SGCD: variants seen among roughly 807,000 people sequenced by gnomAD.
SGCD encodes sarcoglycan delta.
In SGCD, 18 loss-of-function variants were observed where a neutral mutation model predicts 36.6. The observed-to-expected ratio is 0.49, with a 90% CI of 0.34 to 0.73. The LOEUF (loss-of-function observed/expected upper bound fraction) is 0.73. SGCD is among the 30% of genes least tolerant of loss of function. The pLI is 0.01. For synonymous variants in SGCD, 133 were observed against 130.6 expected, an observed-to-expected ratio of 1.02 and a Z score of -0.12; for missense variants, 387 against 346.7, an observed-to-expected ratio of 1.12 and a Z score of -0.92.
chr5:156,329,489 C>T, intron 1 of SGCD, 45 bp from the exon 2 acceptor site: 1 of 1,318,610 alleles, frequency 7.6e-7, no homozygotes, highest in Non-Finnish European at 1.1e-6. Context: ...AAGGAGGGGG[C>T]AGGCTCTTCA....
In SGCD at chr5:155,871,624, C is replaced by G. The variant is rs371043679; in HGVS notation, c.-282+1200C>G. 1.2e-4 allele frequency among the ~76,000 whole-genome samples: 18 copies of G among 152,204 alleles called. 1 individual carries two copies. Among genetic ancestry groups the G allele is most frequent in the African/African-American group, 4.3e-4 (18 of 41,528 alleles). On this transcript the variant is annotated intron_variant, in intron 1 of 9. Transcript: ENST00000517913. ...AAGGTAAAAAGAGGAGGAATTGCTA[C>G]TTTTTGAGCATCAGTGGTGTAGCAG...
intron 4 of SGCD, among the ~76,000 whole-genome samples, chr5:156,562,792 C>A (rs538477700): frequency 6.6e-6 from 1 of 151,230 alleles, no homozygotes; most frequent in African/African-American, 2.4e-5. Flanking sequence ...AGGTCTTTAA[C>A]CTTTATGTAG....
Position 156,761,577 on chromosome 5 carries a change from C to T in SGCD, c.*2187C>T, listed in dbSNP as rs1355684517. ...ACCTATCCCATATCATTCAGATAAACAATGATAGCTACAAAGTCATTTGTG... is the reference window on the plus strand; with the variant it reads ...ACCTATCCCATATCATTCAGATAAATAATGATAGCTACAAAGTCATTTGTG... On this transcript the variant is annotated 3_prime_UTR_variant, in exon 9 of 9. Coordinates refer to ENST00000337851, the MANE Select transcript of SGCD (RefSeq NM_000337.6). 6.6e-6 allele frequency: 1 copy of T among 152,182 alleles called. No homozygotes were observed. The highest frequency in any genetic ancestry group is 1.5e-5 in the Non-Finnish European group (1 of 68,048). The allele number at this position is 152,182 out of a possible 1,614,324, so 9.4% of individuals were successfully genotyped here.
the SGCD span, among the ~76,000 whole-genome samples, chr5:155,778,477 C>T: frequency 6.6e-6 from 1 of 152,160 alleles, no homozygotes; most frequent in Admixed American, 6.5e-5. Flanking sequence ...TTTGTCCCCC[C>T]ATACAGCAGT....
rs1296816668 is a variant in SGCD, at chr5:156,763,390, G to C, written c.*4000G>C. On this transcript the variant is annotated 3_prime_UTR_variant, in exon 9 of 9. Coordinates refer to ENST00000337851, the MANE Select transcript of SGCD (RefSeq NM_000337.6). ...CTGTTCCTACAGCCACACCAGGCTT[G>C]AAGAGTTAGTGAGACCAACAAATAA... 2 of 152,584 alleles carry C rather than the reference G, an allele frequency of 1.3e-5. No homozygotes were observed. Among genetic ancestry groups the C allele is most frequent in the African/African-American group, 4.8e-5 (2 of 41,418 alleles). 9.5% of individuals were successfully genotyped at this position (152,584 alleles called of 1,614,324 possible).
chr5:156,351,616 TCA>T, intron 3 of SGCD, among the ~76,000 whole-genome samples: 1 of 151,570 alleles, frequency 6.6e-6, no homozygotes, highest in Non-Finnish European at 1.5e-5. Flanking sequence ...ATCATCATCA[TCA>T]TCATCATCAT....
At chr5:156,601,741 T>G (rs1477125771) in intron 6 of SGCD, among the ~76,000 whole-genome samples, 1 of 152,224 alleles carries the variant, frequency 6.6e-6, no homozygotes, top group Non-Finnish European at 1.5e-5. Flanking sequence ...TGGAGTGCAG[T>G]GGCGCGATCT....
chr5:155,977,914 T>TA (rs1279607665), intron 1 of SGCD, among the ~76,000 whole-genome samples: 1 of 152,042 alleles, frequency 6.6e-6, no homozygotes, highest in African/African-American at 2.4e-5. Flanking sequence ...GCTAACATGG[T>TA]GAAACCCGGT....
At chr5:156,188,849 T>C in intron 3 of SGCD, among the ~76,000 whole-genome samples, 1 of 152,178 alleles carries the variant, frequency 6.6e-6, no homozygotes. Flanking sequence ...CAAATTAATC[T>C]CTGATCCATT....
chr5:156,758,136 C>A (rs1757408310), intron 8 of SGCD: 1 of 419,768 alleles, frequency 2.4e-6, no homozygotes, highest in Non-Finnish European at 3.2e-6. Flanking sequence ...GAACAGCTGT[C>A]CCAACCAGAA....
In SGCD at chr5:156,759,278, C is replaced by A. The variant is rs372607729; in HGVS notation, c.761C>A (p.Thr254Lys). 24 of 1,613,232 alleles carry A rather than the reference C, an allele frequency of 1.5e-5. No homozygotes were observed. The highest frequency in any genetic ancestry group is 1.8e-5 in the Non-Finnish European group (21 of 1,179,326). Residue 254 changes from threonine (T) to lysine (K), a missense_variant, in exon 9 of 9, where the codon ACA becomes AAA. Physicochemically the swap from Thr to Lys is moderately conservative, Grantham distance 78 (BLOSUM62 -1). Transcript: ENST00000337851. ...CTGCCTCATGGATCCTACACGCCTA[C>A]AGGAACGAGGCAGAAGGTCTTCGAG... ...PRLPHGSYTP[T>K]GTRQKVFEIC...
At chr5:156,128,897 C>A (rs1273851691) in intron 3 of SGCD, among the ~76,000 whole-genome samples, 1 of 152,152 alleles carries the variant, frequency 6.6e-6, no homozygotes, top group East Asian at 1.9e-4. Flanking sequence ...AAAAGACTGT[C>A]ACACATAATA....
intron 1 of SGCD, among the ~76,000 whole-genome samples, chr5:156,087,018 A>T (rs1761115355): frequency 2.0e-5 from 3 of 152,168 alleles, no homozygotes; most frequent in Admixed American, 6.5e-5. Flanking sequence ...CTGTTGGAGC[A>T]TTGTAATACA....
At chr5:156,107,744 G>T (rs1581103105) in intron 1 of SGCD, among the ~76,000 whole-genome samples, 1 of 152,044 alleles carries the variant, frequency 6.6e-6, no homozygotes, top group African/African-American at 2.4e-5. Flanking sequence ...TTTTGTGCAA[G>T]TTAATATTTT....
At chr5:156,657,214 TCTGA>T (rs1255198992) in intron 7 of SGCD, among the ~76,000 whole-genome samples, 4 of 151,908 alleles carry the variant, frequency 2.6e-5, no homozygotes, top group Non-Finnish European at 5.9e-5. Context: ...GGATAAATAG[TCTGA>T]CTTTTTTTTT....
At chr5:156,263,047 T>C (rs922339705) in intron 3 of SGCD, among the ~76,000 whole-genome samples, 1 of 152,144 alleles carries the variant, frequency 6.6e-6, no homozygotes, top group African/African-American at 2.4e-5. Context: ...TGAATTGCAC[T>C]GCTATAAACA....
intron 4 of SGCD, among the ~76,000 whole-genome samples, chr5:156,556,771 T>C (rs945695066): frequency 6.6e-6 from 1 of 152,190 alleles, no homozygotes; most frequent in Non-Finnish European, 1.5e-5. Context: ...ACATTTTCTT[T>C]ATTGATGGAC....
intron 1 of SGCD, among the ~76,000 whole-genome samples, chr5:156,023,382 A>G (rs1759152812): frequency 6.6e-6 from 1 of 152,232 alleles, no homozygotes; most frequent in African/African-American, 2.4e-5. Flanking sequence ...CCAGTCAAGT[A>G]TTGGAGTGAG....
chr5:156,100,597 C>T (rs2127596574), intron 1 of SGCD, among the ~76,000 whole-genome samples: 1 of 152,262 alleles, frequency 6.6e-6, no homozygotes, highest in South Asian at 2.1e-4. Flanking sequence ...ATCACTTTTC[C>T]CTATTGCAGT....
Sources: gnomAD v4.1 joint callset for allele counts (sites outside exome capture counted in the v4.1 genomes callset) on GRCh38, gnomAD v4.1.1 for gene constraint, MANE v1.5 for transcripts, NCBI Gene and HGNC (gene_info 2026-07-23, HGNC 2026-07-21) for gene names.